The following XPR1 variants were observed in gnomAD, a reference collection of about 807,000 sequenced individuals.
The protein encoded by XPR1 is solute carrier family 53 member 1.
In XPR1, 28 loss-of-function variants were observed where a neutral mutation model predicts 87.5. The ratio of observed to expected loss-of-function variants is 0.32; its 90% CI spans 0.24 to 0.44. The LOEUF is 0.44. Among genes scored for constraint, XPR1 ranks in the 20% least tolerant of loss-of-function variants. XPR1 has a pLI of 1.00. For missense variants in XPR1, 559 were observed against 862.3 expected, an observed-to-expected ratio of 0.65 and a Z score of 4.41; for synonymous variants, 300 against 306.1, an observed-to-expected ratio of 0.98 and a Z score of 0.21.
intron 7 of XPR1, among the ~76,000 whole-genome samples, chr1:180,815,661 T>C (rs1650381786): frequency 6.6e-6 from 1 of 151,682 alleles, no homozygotes; most frequent in East Asian, 1.9e-4. Context: ...ACTGTTTAGA[T>C]TTTTTTTTCA....
In XPR1 at chr1:180,879,973, G is replaced by A. The variant is rs537719491; in HGVS notation, c.1809-103G>A. On this transcript the variant is annotated intron_variant, in intron 13 of 14. Transcript: ENST00000367590. ...TTAATATTCAAGCCCTTAATTCTTTGTTTTTGTTTCCATGAGTGGAAACTT... is the reference window on the plus strand; with the variant it reads ...TTAATATTCAAGCCCTTAATTCTTTATTTTTGTTTCCATGAGTGGAAACTT... 358 of 1,249,858 alleles carry A rather than the reference G, an allele frequency of 2.9e-4. No homozygotes were observed. In the African/African-American group the frequency reaches 4.8e-3, roughly 17 times the overall value. The allele number at this position is 1,249,858 out of a possible 1,614,324, so 77.4% of individuals were successfully genotyped here.
At chr1:180,678,096 A>G (rs1656425555) in intron 1 of XPR1, among the ~76,000 whole-genome samples, 1 of 152,208 alleles carries the variant, frequency 6.6e-6, no homozygotes, top group Non-Finnish European at 1.5e-5. Context: ...AAAACAGCCT[A>G]ATGGAGAGAT....
rs1298018310 is a variant in XPR1, at chr1:180,682,359, G to T, written c.70-1G>T. On this transcript the variant is annotated splice_acceptor_variant, in intron 1 of 14. Transcript: ENST00000367590. LOFTEE classifies it high-confidence loss of function. ...ATATTGTTTTTCTTTCTTTCTAATA[G>T]GCTTTCAAGGATATGCTGTATTCAG... The T allele has an allele frequency of 6.3e-7, 1 of 1,592,182 alleles. No individual in the cohort carries two copies.
At chr1:180,704,245 G>GATATATATATATATGT (rs1657465906) in intron 2 of XPR1, among the ~76,000 whole-genome samples, 1 of 66,054 alleles carries the variant, frequency 1.5e-5, no homozygotes, top group Non-Finnish European at 3.0e-5. Context: ...ATAGGTGCTG[G>GATATATATATATATGT]ATATATATAT....
At chr1:180,672,932 G>T (rs6685653) in intron 1 of XPR1, among the ~76,000 whole-genome samples, 77 of 152,062 alleles carry the variant, frequency 5.1e-4, no homozygotes, top group African/African-American at 1.7e-3. Flanking sequence ...AATATTCCTT[G>T]CCCTTTCTCT....
At chr1:180,741,198 C>CT (rs1658910222) in intron 2 of XPR1, among the ~76,000 whole-genome samples, 1 of 152,230 alleles carries the variant, frequency 6.6e-6, no homozygotes, top group African/African-American at 2.4e-5. Flanking sequence ...GAGTCTCACT[C>CT]TGTCGCCCAG....
chr1:180,806,029 A>C (rs776264558), intron 4 of XPR1, 33 bp from the exon 5 acceptor site: 8 of 1,601,816 alleles, frequency 5.0e-6, no homozygotes, highest in Non-Finnish European at 6.8e-6. Flanking sequence ...TGGTAGTAGA[A>C]ATTATAGTTG....
At chr1:180,757,714 C>A (rs1258934671) in intron 2 of XPR1, among the ~76,000 whole-genome samples, 2 of 151,502 alleles carry the variant, frequency 1.3e-5, no homozygotes, top group East Asian at 3.9e-4. Context: ...GAGATAGAAT[C>A]TTGCTGTGTT....
At chr1:180,679,223 A>G (rs900683346) in intron 1 of XPR1, among the ~76,000 whole-genome samples, 6 of 151,566 alleles carry the variant, frequency 4.0e-5, no homozygotes, top group African/African-American at 1.5e-4. Context: ...CAAACAAAAA[A>G]AACGGTGGGT....
At chr1:180,793,265 G>A (rs1267562237) in intron 3 of XPR1, among the ~76,000 whole-genome samples, 1 of 151,960 alleles carries the variant, frequency 6.6e-6, no homozygotes, top group Non-Finnish European at 1.5e-5. Flanking sequence ...TGTTATTCCT[G>A]TAATCCTGTT....
intron 1 of XPR1, among the ~76,000 whole-genome samples, chr1:180,674,988 T>C (rs1656317579): frequency 6.6e-6 from 1 of 152,220 alleles, no homozygotes; most frequent in Non-Finnish European, 1.5e-5. Flanking sequence ...GTGGTTATCT[T>C]TGGATTCAGT....
chr1:180,710,649 T>C (rs1404226293), intron 2 of XPR1, among the ~76,000 whole-genome samples: 2 of 152,212 alleles, frequency 1.3e-5, no homozygotes, highest in Non-Finnish European at 2.9e-5. Flanking sequence ...TTTCCCCACA[T>C]TTCCCCCCTT....
intron 2 of XPR1, among the ~76,000 whole-genome samples, chr1:180,742,380 T>C (rs944069233): frequency 6.6e-6 from 1 of 152,214 alleles, no homozygotes; most frequent in Non-Finnish European, 1.5e-5. Context: ...TATTCCTCTT[T>C]GACTTATGGA....
At chr1:180,757,866 ATGT>A (rs1557992541) in intron 2 of XPR1, among the ~76,000 whole-genome samples, 16 of 128,600 alleles carry the variant, frequency 1.2e-4, no homozygotes, top group Non-Finnish European at 2.3e-4. Context: ...ATTGTTGAAA[ATGT>A]AAAAAAAAAA....
intron 1 of XPR1, among the ~76,000 whole-genome samples, chr1:180,665,079 A>G (rs1438351469): frequency 6.6e-6 from 1 of 152,222 alleles, no homozygotes; most frequent in Admixed American, 6.5e-5. Context: ...AAAGAGGTTT[A>G]ATTGACTCAC....
At chr1:180,732,192 CAAA>C (rs5779071) in intron 2 of XPR1, among the ~76,000 whole-genome samples, 15 of 107,762 alleles carry the variant, frequency 1.4e-4, no homozygotes, top group Non-Finnish European at 1.7e-4. Context: ...GACTCCATCT[CAAA>C]AAAAAAAAAA....
intron 2 of XPR1, among the ~76,000 whole-genome samples, chr1:180,745,262 T>C (rs990245877): frequency 6.6e-6 from 1 of 152,186 alleles, no homozygotes; most frequent in East Asian, 1.9e-4. Context: ...TTATTTATTC[T>C]GCTCTGCGGA....
chr1:180,654,595 A>G (rs1281850178), intron 1 of XPR1, among the ~76,000 whole-genome samples: 1 of 152,108 alleles, frequency 6.6e-6, no homozygotes, highest in Non-Finnish European at 1.5e-5. Context: ...GTTCCTGGCA[A>G]CCACCATTCT....
In XPR1 at chr1:180,884,168, A is replaced by C; in HGVS notation, c.*102A>C. 1.1e-6 allele frequency: 1 copy of C among 942,628 alleles called. No homozygotes were observed. Among genetic ancestry groups the C allele is most frequent in the Non-Finnish European group, 1.6e-6 (1 of 629,994 alleles). 58.4% of individuals were successfully genotyped at this position (942,628 alleles called of 1,614,324 possible). ...CCTTTCCAGCCGAAAACAGGAGAAA[A>C]CACATAACACATTTTCCGAGCTCTT... On this transcript the variant is annotated 3_prime_UTR_variant, in exon 15 of 15. Coordinates refer to ENST00000367590, the MANE Select transcript of XPR1 (RefSeq NM_004736.4).
Sources: allele counts gnomAD v4.1 joint callset (sites outside exome capture counted in the v4.1 genomes callset), GRCh38; gene constraint gnomAD v4.1.1; transcripts MANE v1.5; gene names NCBI Gene and HGNC (gene_info 2026-07-23, HGNC 2026-07-21).